AARS1: variants seen among roughly 807,000 people sequenced by gnomAD.
AARS1 encodes the protein alanyl-tRNA synthetase 1.
A neutral mutation model predicts 108.9 loss-of-function variants in AARS1; 72 were observed. The ratio of observed to expected loss-of-function variants is 0.66; its 90% CI spans 0.55 to 0.80. The LOEUF (loss-of-function observed/expected upper bound fraction) is 0.80. AARS1 is among the 30% of genes least tolerant of loss of function. The pLI, the probability that AARS1 is intolerant of heterozygous loss-of-function variation, is 0.00. For missense variants in AARS1, 1,193 were observed against 1,233.2 expected (o/e 0.97, Z 0.49); for synonymous variants, 489 against 465.7 (o/e 1.05, Z -0.64).
intron 10 of AARS1, 23 bp from the exon 11 acceptor site, chr16:70,265,125 TA>T (rs780244456): frequency 3.1e-6 from 5 of 1,613,732 alleles, no homozygotes; most frequent in Non-Finnish European, 3.4e-6. Flanking sequence ...GAAACAAGCA[TA>T]AGTTACCGTA....
At chr16:70,258,323 G>T in intron 14 of AARS1, 106 bp from the exon 15 acceptor site, 1 of 1,267,240 alleles carries the variant, frequency 7.9e-7, no homozygotes, top group Non-Finnish European at 1.1e-6. Flanking sequence ...TTCCAACCTG[G>T]CTTGGCCTAG....
rs768490216 is a variant in AARS1 at position 70,265,534 on chromosome 16, T to C, written c.1347+4A>G. 5 of 1,613,836 alleles carry C rather than the reference T, an allele frequency of 3.1e-6. No homozygotes were observed. Among genetic ancestry groups the C allele is most frequent in the Non-Finnish European group, 4.2e-6 (5 of 1,179,854 alleles). ...GTTTCCTGTTCACTCTCCAAGTTCT[T>C]TACCTGGGCCAGTTTCCTCTCCTCT... On this transcript the variant is annotated splice_donor_region_variant and intron_variant, in intron 10 of 20. Coordinates refer to ENST00000261772, the MANE Select transcript of AARS1 (RefSeq NM_001605.3).
At chr16:70,278,463 G>A (rs1193038074) in intron 2 of AARS1, among the ~76,000 whole-genome samples, 1 of 151,536 alleles carries the variant, frequency 6.6e-6, no homozygotes, top group Non-Finnish European at 1.5e-5. Flanking sequence ...TACTCAGGAG[G>A]CTGAGGCAAG....
intron 2 of AARS1, among the ~76,000 whole-genome samples, chr16:70,279,505 T>A (rs1388413171): frequency 6.7e-6 from 1 of 150,088 alleles, no homozygotes; most frequent in Non-Finnish European, 1.5e-5. Flanking sequence ...ACTAAAAATA[T>A]AAAAATTAGC....
rs1013897408 is a variant in AARS1 at position 70,262,337 on chromosome 16, T to A, written c.1671+9A>T. On this transcript the variant is annotated intron_variant, in intron 12 of 20. Coordinates refer to ENST00000261772, the MANE Select transcript of AARS1 (RefSeq NM_001605.3). ...CTCCTCGGCTAACAAGGAAGAACTGTTGGCTCACATCTTCACTGCTGTCAT... is the reference window on the plus strand; with the variant it reads ...CTCCTCGGCTAACAAGGAAGAACTGATGGCTCACATCTTCACTGCTGTCAT... The A allele has an allele frequency of 6.2e-7, 1 of 1,614,154 alleles. No homozygotes were observed. Among genetic ancestry groups the A allele is most frequent in the Admixed American group, 1.7e-5 (1 of 60,022 alleles).
intron 2 of AARS1, among the ~76,000 whole-genome samples, chr16:70,282,165 G>A (rs74446936): frequency 0.072 from 10,413 of 145,356 alleles, 1,197 homozygotes; most frequent in African/African-American, 0.25. Flanking sequence ...AAAAAATAAT[G>A]ATAATACAAA....
chr16:70,289,375 C>T, intron 1 of AARS1, 46 bp downstream of exon 1: 1 of 355,752 alleles, frequency 2.8e-6, no homozygotes, highest in Non-Finnish European at 5.6e-6. Context: ...AGTCTGCGGG[C>T]CCAGCCGCTC....
In AARS1 at chr16:70,273,013, A is replaced by C. The variant is rs542927114; in HGVS notation, c.480-1041T>G. On this transcript the variant is annotated intron_variant, in intron 4 of 20. Coordinates refer to ENST00000261772, the MANE Select transcript of AARS1 (RefSeq NM_001605.3). Reference sequence around the variant, plus strand: ...AGTCAAGGTAAAAGAGGATTTTAAAAACCAGCGTCAAGATTAATATTTAAT... The same window carrying C: ...AGTCAAGGTAAAAGAGGATTTTAAACACCAGCGTCAAGATTAATATTTAAT... Among the ~76,000 whole-genome samples the C allele has an allele frequency of 2.6e-5, 4 of 152,192 alleles. No individual in the cohort carries two copies. The East Asian group carries it at 7.7e-4, about 29-fold the overall frequency.
intron 11 of AARS1, among the ~76,000 whole-genome samples, chr16:70,264,528 G>A (rs911153855): frequency 5.9e-5 from 9 of 151,920 alleles, no homozygotes; most frequent in African/African-American, 2.2e-4. Flanking sequence ...TGTTGGTCAG[G>A]CTGGTCTCAA....
At chr16:70,270,471 G>A (rs1960371742) in intron 5 of AARS1, 131 bp from the exon 6 acceptor site, 3 of 1,095,098 alleles carry the variant, frequency 2.7e-6, no homozygotes, top group Middle Eastern at 2.3e-4. Context: ...CGGTTTGGTG[G>A]GAAGAGGGAA....
chr16:70,261,223 T>A, intron 12 of AARS1, 66 bp from the exon 13 acceptor site: 6 of 1,223,378 alleles, frequency 4.9e-6, no homozygotes, highest in South Asian at 1.2e-5. Context: ...TCTTATATTT[T>A]CAATATAAAC....
intron 4 of AARS1, among the ~76,000 whole-genome samples, chr16:70,273,787 C>T (rs987690859): frequency 3.6e-5 from 5 of 137,402 alleles, no homozygotes; most frequent in South Asian, 2.3e-4. Context: ...GGCATGAACC[C>T]GGGAGGCGGA....
Position 70,271,790 on chromosome 16 carries a change from T to C in AARS1, c.662A>G (p.Gln221Arg). 1 of 1,614,126 alleles carries C rather than the reference T, an allele frequency of 6.2e-7. No individual in the cohort carries two copies. Among genetic ancestry groups the C allele is most frequent in the Non-Finnish European group, 8.5e-7 (1 of 1,179,990 alleles). Residue 221 changes from glutamine to arginine, a missense_variant, in exon 5 of 21, where the codon CAG (glutamine) becomes CGG (arginine). Gln to Arg is a conservative substitution (Grantham distance 43, BLOSUM62 1). Transcript: ENST00000261772. ...AGGAACCCAAGGCTACCTGTTATAC[T>C]GGATGAACACAAGGTTCCAGATCTC... The part of the protein sequence containing the change: ...VLEIWNLVFI[Q>R]YNREADGILK...
At chr16:70,257,986 G>A (rs1960030473) in intron 15 of AARS1, 47 bp downstream of exon 15, 2 of 1,604,576 alleles carry the variant, frequency 1.2e-6, no homozygotes. Flanking sequence ...CATCCTCAGA[G>A]GATGAAGGTA....
intron 14 of AARS1, 124 bp from the exon 15 acceptor site, chr16:70,258,341 C>T (rs1960045347): frequency 2.0e-6 from 2 of 989,058 alleles, no homozygotes; most frequent in Non-Finnish European, 3.1e-6. Context: ...TAGCACGTGC[C>T]ATGAGCTTCC....
intron 11 of AARS1, among the ~76,000 whole-genome samples, chr16:70,262,986 A>AAAAAAAAAAAAAAAAAAAAC: frequency 6.8e-6 from 1 of 147,164 alleles, no homozygotes; most frequent in Non-Finnish European, 1.5e-5. Flanking sequence ...AAAAAAAAAA[A>AAAAAAAAAAAAAAAAAAAAC]AAAAAAAAAA....
At chr16:70,273,598 C>G (rs138062629) in intron 4 of AARS1, among the ~76,000 whole-genome samples, 1,661 of 152,156 alleles carry the variant, frequency 0.011, 25 homozygotes, top group African/African-American at 0.038. Context: ...CGCAGTGGCT[C>G]ACGCCTGTAA....
intron 2 of AARS1, among the ~76,000 whole-genome samples, chr16:70,279,350 CAAAAAAAAAAA>C (rs57438636): frequency 2.6e-5 from 1 of 37,798 alleles, no homozygotes; most frequent in African/African-American, 1.2e-4. Flanking sequence ...AACTTCATCT[CAAAAAAAAAAA>C]AAAAAAAAAA....
At chr16:70,269,322 GA>G (rs56394253) in intron 7 of AARS1, among the ~76,000 whole-genome samples, 32 of 64,262 alleles carry the variant, frequency 5.0e-4, no homozygotes, top group Non-Finnish European at 5.6e-4. Flanking sequence ...TTCTGTCTCA[GA>G]AAAAAAAAAA....
Sources: gnomAD v4.1 joint callset for allele counts (sites outside exome capture counted in the v4.1 genomes callset) on GRCh38, gnomAD v4.1.1 for gene constraint, MANE v1.5 for transcripts, NCBI Gene and HGNC (gene_info 2026-07-23, HGNC 2026-07-21) for gene names.